Variants in CORO7 observed in about 807,000 individuals in gnomAD.
The protein encoded by CORO7 is coronin 7, also known as coronin-7.
Under a neutral mutation model 126.6 loss-of-function variants are expected in CORO7, and 107 were observed. That is an observed-to-expected ratio of 0.85 (90% confidence interval 0.72 to 0.99). CORO7 has a LOEUF of 0.99. Among genes scored for constraint, CORO7 ranks in the 50% least tolerant of loss-of-function variants. The pLI is 0.00. For missense variants in CORO7, 1,314 were observed against 1,255.8 expected (o/e 1.05, Z -0.70); for synonymous variants, 603 against 536.8 (o/e 1.12, Z -1.70).
chr16:4,386,911 C>T (rs762240597), intron 9 of CORO7, among the ~76,000 whole-genome samples: 5 of 152,194 alleles, frequency 3.3e-5, no homozygotes, highest in South Asian at 2.1e-4. Flanking sequence ...CGGAAGATCC[C>T]GCAGCCTTCC....
intron 9 of CORO7, chr16:4,383,001 G>A (rs1490815633): frequency 2.4e-6 from 3 of 1,272,800 alleles, no homozygotes; most frequent in Non-Finnish European, 3.2e-6. Flanking sequence ...CAACCTCGGG[G>A]ATGTGTGCAG....
rs2055240576 is a variant in CORO7, at chr16:4,387,637, G to A, written c.785+349C>T. 4 of 227,268 alleles carry A rather than the reference G, an allele frequency of 1.8e-5. No homozygotes were observed. The Admixed American group carries it at 2.0e-4, about 11-fold the overall frequency. The allele number at this position is 227,268 out of a possible 1,614,324, so 14.1% of individuals were successfully genotyped here. On this transcript the variant is annotated intron_variant, in intron 9 of 27. Transcript: ENST00000251166. ...TGGAGCCTCCCTGGGCCTCAGCCCT[G>A]CCAGAACATCCACAGAAAAATGAAG... is the stretch of plus-strand genomic sequence containing the variant.
chr16:4,405,794 C>T (rs1455358244), intron 5 of CORO7, among the ~76,000 whole-genome samples: 3 of 145,156 alleles, frequency 2.1e-5, no homozygotes, highest in Non-Finnish European at 3.1e-5. Context: ...AACTACCTTC[C>T]GAGGCTTCCC....
At position 4,366,718 on chromosome 16, in the gene CORO7, AT is replaced by A. The variant is rs142214735; in HGVS notation, c.786-1174del. 2.5e-3 allele frequency among the ~76,000 whole-genome samples: 379 copies of A among 151,224 alleles called. 4 individuals are homozygous for A. The highest frequency in any genetic ancestry group is 8.7e-3 in the African/African-American group (358 of 41,246). ...ACCATGGCTGGCTATTTTTACTTCT[AT>A]TTTTGTAGAAACAAGGTCTCACTAT... is the stretch of plus-strand genomic sequence containing the variant. On this transcript the variant is annotated intron_variant, in intron 9 of 27. Coordinates refer to ENST00000251166, the MANE Select transcript of CORO7 (RefSeq NM_024535.5).
At chr16:4,404,486 G>A (rs561221423) in intron 6 of CORO7, among the ~76,000 whole-genome samples, 167 of 152,224 alleles carry the variant, frequency 1.1e-3, no homozygotes, top group Non-Finnish European at 1.6e-3. Flanking sequence ...TCAAACAAAC[G>A]GGACCTTTTC....
chr16:4,413,921 C>G (rs2056309361), intron 1 of CORO7, among the ~76,000 whole-genome samples: 1 of 151,624 alleles, frequency 6.6e-6, no homozygotes, highest in South Asian at 2.1e-4. Context: ...TGCGGTGGTT[C>G]ATGCCTGTAA....
At chr16:4,395,472 CCAGGG>C in intron 6 of CORO7, 133 bp from the exon 7 acceptor site, 1 of 1,108,406 alleles carries the variant, frequency 9.0e-7, no homozygotes, top group South Asian at 1.4e-5. Context: ...CCATCACACA[CCAGGG>C]CATCCCTCCT....
intron 16 of CORO7, chr16:4,361,742 CACT>C (rs2054187059): frequency 2.5e-6 from 2 of 808,556 alleles, no homozygotes; most frequent in African/African-American, 1.7e-5. Context: ...CCAGCTCCAC[CACT>C]TACACAGCTG....
chr16:4,357,353 T>TTA, intron 25 of CORO7, 94 bp from the exon 26 acceptor site: 4 of 1,047,794 alleles, frequency 3.8e-6, no homozygotes, highest in Non-Finnish European at 4.9e-6. Flanking sequence ...TTTTCTTTCT[T>TTA]TCTTTTTTTT....
At chr16:4,396,292 C>T (rs756487117) in intron 6 of CORO7, among the ~76,000 whole-genome samples, 26 of 152,172 alleles carry the variant, frequency 1.7e-4, no homozygotes, top group Non-Finnish European at 3.4e-4. Flanking sequence ...GTTGGCAGGC[C>T]GGTCTCAAAC....
Position 4,360,491 on chromosome 16 carries a change from C to G in CORO7, c.1975G>C (p.Gly659Arg). 6.2e-7 allele frequency: 1 copy of G among 1,612,282 alleles called. No individual in the cohort carries two copies. Among genetic ancestry groups the G allele is most frequent in the Non-Finnish European group, 8.5e-7 (1 of 1,179,636 alleles). Residue 659 changes from glycine (G) to arginine (R), a missense_variant, in exon 20 of 28, where the codon GGG becomes CGG. Coordinates refer to ENST00000251166, the MANE Select transcript of CORO7 (RefSeq NM_024535.5). ...GQQLATVCKD[G>R]RVRVYRPRSG... ...CGGGGCCTGTAGACCCGCACACGCC[C>G]ATCCTTGCAGACAGTGGCCAGCTGC...
rs764550581 is a variant in CORO7, at chr16:4,364,675, G to A, written c.1059C>T (p.His353=). 9 of 1,583,212 alleles carry A rather than the reference G, an allele frequency of 5.7e-6. No individual in the cohort carries two copies. The highest frequency in any genetic ancestry group is 5.4e-5 in the African/African-American group (4 of 74,516). The change falls in exon 13 of 28, where the codon CAC becomes CAT. Residue 353 remains histidine, a synonymous_variant. Coordinates refer to ENST00000251166, the MANE Select transcript of CORO7 (RefSeq NM_024535.5). ...YHVPRKAVEF[H]EDLFPDTAGC... ...CGGCAGTGTCCGGGAACAGGTCCTC[G>A]TGGAACTCCACAGCCTGGCCGCAGA...
intron 9 of CORO7, among the ~76,000 whole-genome samples, chr16:4,372,745 C>T (rs150427320): frequency 2.0e-5 from 3 of 152,310 alleles, no homozygotes; most frequent in Non-Finnish European, 4.4e-5. Flanking sequence ...TGGTGCCAAC[C>T]ATTCTGCCTC....
rs1939548339 is a variant in CORO7, at chr16:4,388,492, C to G, written c.702+53G>C. The G allele has an allele frequency of 5.1e-6, 8 of 1,578,736 alleles. No homozygotes were observed. In the Admixed American group the frequency reaches 9.3e-5, roughly 18 times the overall value. On this transcript the variant is annotated intron_variant, in intron 8 of 27. Coordinates refer to ENST00000251166, the MANE Select transcript of CORO7 (RefSeq NM_024535.5). ...ATTGGTTTCGTCCCCGCCCAAAGGG[C>G]TGGACATGTCCCCACCTGGCCGTGC...
chr16:4,371,867 G>C (rs2054541561), intron 9 of CORO7: 1 of 152,148 alleles, frequency 6.6e-6, no homozygotes, highest in Non-Finnish European at 1.5e-5. Context: ...GCCCGAGCCC[G>C]GGGCGGGTGG....
chr16:4,388,036 C>T lies in CORO7; in HGVS notation c.735G>A (p.Thr245=), dbSNP rs756945983. 74 of 1,613,012 alleles carry T rather than the reference C, an allele frequency of 4.6e-5. No homozygotes were observed. The South Asian group carries it at 7.2e-4, about 16-fold the overall frequency. Residue 245 remains threonine, a synonymous_variant, in exon 9 of 28, where the codon ACG becomes ACA. Transcript: ENST00000251166. ...AGGCCAGGGCGCTGGAGAAGAACCG[C>T]GTGTCCCACAGCTTCACTTCGCGCT... ...MREREVKLWD[T]RFFSSALASL...
At chr16:4,407,476 A>G in intron 5 of CORO7, 25 bp downstream of exon 5, 4 of 1,556,686 alleles carry the variant, frequency 2.6e-6, no homozygotes, top group Non-Finnish European at 2.6e-6. Context: ...CTGCCCTGGG[A>G]AGGGCAGGCC....
In CORO7 at chr16:4,382,163, C is replaced by T. The variant is rs199693342; in HGVS notation, c.785+5823G>A. The T allele has an allele frequency of 1.5e-4, 238 of 1,592,854 alleles. No individual in the cohort carries two copies. In the East Asian group the frequency reaches 3.3e-3, roughly 22 times the overall value. ...CACCTGGGGACACGGCACCACCTGG[C>T]GTGCTTGTGCCCCGAAGGCTTCACG... On this transcript the variant is annotated intron_variant, in intron 9 of 27. Coordinates refer to ENST00000251166, the MANE Select transcript of CORO7 (RefSeq NM_024535.5).
chr16:4,374,056 C>T (rs1417481004), intron 9 of CORO7, among the ~76,000 whole-genome samples: 1 of 151,054 alleles, frequency 6.6e-6, no homozygotes, highest in Non-Finnish European at 1.5e-5. Flanking sequence ...GTGGAATTTG[C>T]GTGAGTTCTT....
Sources: gnomAD v4.1 joint callset for allele counts (sites outside exome capture counted in the v4.1 genomes callset) on GRCh38, gnomAD v4.1.1 for gene constraint, MANE v1.5 for transcripts, NCBI Gene and HGNC (gene_info 2026-07-23, HGNC 2026-07-21) for gene names.